GRIP1: variants seen among roughly 807,000 people sequenced by gnomAD.
The protein encoded by GRIP1 is glutamate receptor interacting protein 1.
A neutral mutation model predicts 129.9 loss-of-function variants in GRIP1; 45 were observed. The ratio of observed to expected loss-of-function variants is 0.35; its 90% CI spans 0.27 to 0.44. The LOEUF is 0.44. Ranked by LOEUF, GRIP1 falls within the 20% of genes least tolerant of loss-of-function variation. GRIP1 has a pLI of 1.00. For missense variants in GRIP1, 1,196 were observed against 1,396.8 expected, an observed-to-expected ratio of 0.86 and a Z score of 2.29; for synonymous variants, 530 against 520.8, an observed-to-expected ratio of 1.02 and a Z score of -0.24.
At chr12:66,552,383 TA>T (rs1394486137) in intron 2 of GRIP1, among the ~76,000 whole-genome samples, 1 of 152,182 alleles carries the variant, frequency 6.6e-6, no homozygotes, top group African/African-American at 2.4e-5. Context: ...GTGATACTTT[TA>T]AAGACTATCC....
At chr12:66,970,747 C>T (rs1274132341) in intron 1 of GRIP1, among the ~76,000 whole-genome samples, 1 of 151,978 alleles carries the variant, frequency 6.6e-6, no homozygotes, top group Non-Finnish European at 1.5e-5. Flanking sequence ...TTTTGGTGGG[C>T]CTATGTTGCT....
At chr12:66,628,699 A>T (rs570613842) in intron 1 of GRIP1, among the ~76,000 whole-genome samples, 40 of 152,178 alleles carry the variant, frequency 2.6e-4, no homozygotes, top group Non-Finnish European at 4.0e-4. Flanking sequence ...ACATCTGGAG[A>T]TATTTTTGAT....
At chr12:66,675,973 A>G (rs1002869071) in intron 1 of GRIP1, among the ~76,000 whole-genome samples, 19 of 152,208 alleles carry the variant, frequency 1.2e-4, no homozygotes, top group African/African-American at 4.3e-4. Context: ...AAGTCAGAGA[A>G]GTGCTAAGTT....
chr12:66,716,097 T>TA (rs1229796234), intron 1 of GRIP1, among the ~76,000 whole-genome samples: 26 of 151,932 alleles, frequency 1.7e-4, no homozygotes, highest in Admixed American at 1.7e-3. Context: ...CAATTCCCCT[T>TA]AAAAAAATTA....
chr12:66,458,275 C>A (rs2138266691), intron 9 of GRIP1, among the ~76,000 whole-genome samples: 1 of 152,322 alleles, frequency 6.6e-6, no homozygotes, highest in East Asian at 1.9e-4. Context: ...ACTGTAACAC[C>A]TTCAGACATG....
chr12:66,679,851 C>T (rs180816440), upstream of GRIP1, among the ~76,000 whole-genome samples: 95 of 152,300 alleles, frequency 6.2e-4, no homozygotes, highest in African/African-American at 2.2e-3. Flanking sequence ...AACGGTCTTG[C>T]GACATAGCAG....
At chr12:66,969,960 A>G (rs1375817727) in intron 1 of GRIP1, among the ~76,000 whole-genome samples, 2 of 152,122 alleles carry the variant, frequency 1.3e-5, no homozygotes, top group Non-Finnish European at 2.9e-5. Context: ...TTTCTATTAG[A>G]GCCCTTAACA....
At position 66,363,956 on chromosome 12, in the gene GRIP1, A is replaced by G. The variant is rs560931395; in HGVS notation, c.3012+7738T>C. 2.0e-5 allele frequency among the ~76,000 whole-genome samples: 3 copies of G among 152,270 alleles called. No homozygotes were observed. In the South Asian group the frequency reaches 6.2e-4, roughly 32 times the overall value. ...ATGTATATTTCAAAATCGCTAAAAG[A>G]GAAAATTTTAAATGTGGTGGGCATG... On this transcript the variant is annotated intron_variant, in intron 23 of 24. Transcript: ENST00000359742.
chr12:66,912,353 A>C (rs1441079367), intron 1 of GRIP1, among the ~76,000 whole-genome samples: 1 of 152,144 alleles, frequency 6.6e-6, no homozygotes, highest in East Asian at 1.9e-4. Context: ...CTTTCACTAC[A>C]AAATTTAAGT....
At chr12:66,760,717 A>G (rs2037448163) in intron 1 of GRIP1, among the ~76,000 whole-genome samples, 1 of 152,216 alleles carries the variant, frequency 6.6e-6, no homozygotes, top group Non-Finnish European at 1.5e-5. Flanking sequence ...TGAAAACAGA[A>G]GAGTATTATG....
chr12:66,470,080 C>T (rs1565773885), intron 7 of GRIP1, among the ~76,000 whole-genome samples: 1 of 152,140 alleles, frequency 6.6e-6, no homozygotes, highest in Non-Finnish European at 1.5e-5. Context: ...ACCACCTTAG[C>T]CCAACTTACC....
At chr12:66,939,940 C>T (rs892095458) in intron 1 of GRIP1, among the ~76,000 whole-genome samples, 2 of 152,062 alleles carry the variant, frequency 1.3e-5, no homozygotes, top group African/African-American at 4.8e-5. Context: ...CATATGGTTA[C>T]AAGAGACTAA....
chr12:66,740,811 T>TA lies in GRIP1; in HGVS notation c.-420+63241dup, dbSNP rs975388401. Among the ~76,000 whole-genome samples, 516 of 144,236 alleles carry TA rather than the reference T, an allele frequency of 3.6e-3. 1 individual carries two copies. The highest frequency in any genetic ancestry group is 9.1e-3 in the African/African-American group (360 of 39,608). 94.6% of individuals were successfully genotyped at this position (144,236 alleles called of 152,430 possible). A position where few individuals can be genotyped will look rare whatever the true frequency, so the allele number is the denominator to read the frequency against. Reference sequence around the variant, plus strand: ...TTGAGAAAAATTAGGCTTGGAGAGATAAAAAAAAAAACTAAGATTAAAGAG... The same window carrying TA: ...TTGAGAAAAATTAGGCTTGGAGAGATAAAAAAAAAAAACTAAGATTAAAGAG... On this transcript the variant is annotated intron_variant, in intron 1 of 4. Transcript: ENST00000538373.
rs1264140340 is a variant in GRIP1 at position 66,379,347 on chromosome 12, G to T, written c.2554C>A (p.Pro852Thr). ...ACATCTGGGTAAGTCTGGCTTCGAG[G>T]CTTAGTGACTGGGGACAAGCTGCCT... ...QRGSLSPVTK[P>T]RSQTYPDVGL... Residue 852 changes from proline to threonine, a missense_variant, in exon 20 of 25, where the codon CCT (proline) becomes ACT (threonine). Around this residue, in one of 5 missense-constraint regions of GRIP1, gnomAD observed 427 missense variants for 463.3 expected, o/e 0.92. Transcript: ENST00000359742. The T allele has an allele frequency of 6.2e-7, 1 of 1,613,946 alleles. No individual in the cohort carries two copies. Among genetic ancestry groups the T allele is most frequent in the Non-Finnish European group, 8.5e-7 (1 of 1,179,832 alleles).
intron 1 of GRIP1, among the ~76,000 whole-genome samples, chr12:66,785,747 A>G (rs186416486): frequency 1.4e-4 from 22 of 152,264 alleles, no homozygotes; most frequent in East Asian, 7.7e-4. Context: ...CATTAATAAT[A>G]ACTTGGATTA....
At chr12:66,427,353 GT>G (rs1296984972) in intron 14 of GRIP1, among the ~76,000 whole-genome samples, 3 of 152,058 alleles carry the variant, frequency 2.0e-5, no homozygotes, top group African/African-American at 7.2e-5. Context: ...TCAAGCTACT[GT>G]CTTTTAGAAA....
chr12:66,658,956 G>C (rs1009368971), intron 1 of GRIP1, among the ~76,000 whole-genome samples: 1 of 150,884 alleles, frequency 6.6e-6, no homozygotes, highest in Non-Finnish European at 1.5e-5. Flanking sequence ...AAAAACAAAC[G>C]AACAACAACA....
At chr12:66,524,855 C>G (rs1050130761) in intron 5 of GRIP1, among the ~76,000 whole-genome samples, 25 of 152,160 alleles carry the variant, frequency 1.6e-4, no homozygotes, top group Non-Finnish European at 1.0e-4. Flanking sequence ...GATATCACCA[C>G]TGATCCCAAA....
intron 1 of GRIP1, among the ~76,000 whole-genome samples, chr12:66,988,278 G>C (rs1285488317): frequency 6.6e-6 from 1 of 152,140 alleles, no homozygotes; most frequent in Non-Finnish European, 1.5e-5. Context: ...GTGAAACTCT[G>C]TCTCAAAAAT....
Sources: gnomAD v4.1 joint callset for allele counts (sites outside exome capture counted in the v4.1 genomes callset) on GRCh38, gnomAD v4.1.1 for gene constraint, gnomAD v4.1.1 regional missense constraint, MANE v1.5 for transcripts, NCBI Gene and HGNC (gene_info 2026-07-23, HGNC 2026-07-21) for gene names.